B4GALT6: variants seen among roughly 807,000 people sequenced by gnomAD.
B4GALT6 encodes the protein UDP-Gal:beta-GlcNAc beta-1,4-galactosyltransferase 6.
Under a neutral mutation model 46.3 loss-of-function variants are expected in B4GALT6, and 14 were observed. That is an observed-to-expected ratio of 0.30 (90% CI 0.20 to 0.47). B4GALT6 has a LOEUF of 0.47. B4GALT6 is among the 20% of genes least tolerant of loss of function. The pLI is 0.99. For missense variants in B4GALT6, 386 were observed against 480.1 expected, an observed-to-expected ratio of 0.80 and a Z score of 1.83; for synonymous variants, 168 against 162.0, an observed-to-expected ratio of 1.04 and a Z score of -0.28.
the B4GALT6 span, among the ~76,000 whole-genome samples, chr18:31,715,538 T>C: frequency 1.2e-4 from 1 of 8,526 alleles, no homozygotes; most frequent in Non-Finnish European, 3.8e-4. Flanking sequence ...TGGAACTGTC[T>C]TTTTTTTTTT....
the B4GALT6 span, among the ~76,000 whole-genome samples, chr18:31,713,848 G>A: frequency 7.2e-5 from 11 of 152,204 alleles, no homozygotes; most frequent in African/African-American, 2.4e-4. Context: ...TGACAAGCTC[G>A]AGTTAATTGG....
the B4GALT6 span, among the ~76,000 whole-genome samples, chr18:31,701,545 A>C: frequency 6.6e-6 from 1 of 152,188 alleles, no homozygotes; most frequent in Non-Finnish European, 1.5e-5. Flanking sequence ...ACATAATAAT[A>C]GTCATAGAGA....
chr18:31,629,714 G>A (rs1391738473), intron 6 of B4GALT6, among the ~76,000 whole-genome samples: 1 of 150,550 alleles, frequency 6.6e-6, no homozygotes, highest in Non-Finnish European at 1.5e-5. Flanking sequence ...GCCAGGCGTG[G>A]TGGCAGGCGC....
the B4GALT6 span, among the ~76,000 whole-genome samples, chr18:31,704,654 T>C: frequency 1.3e-5 from 2 of 152,204 alleles, no homozygotes; most frequent in Non-Finnish European, 2.9e-5. Context: ...GAAGATACAA[T>C]ATGTAGGGTT....
At chr18:31,638,389 T>C (rs1439805019) in intron 5 of B4GALT6, among the ~76,000 whole-genome samples, 6 of 151,858 alleles carry the variant, frequency 4.0e-5, no homozygotes, top group African/African-American at 1.5e-4. Flanking sequence ...TAGCCGGGCG[T>C]GGTGGCGGGT....
chr18:31,644,355 CA>C (rs1363746867), intron 4 of B4GALT6, among the ~76,000 whole-genome samples: 3 of 152,050 alleles, frequency 2.0e-5, no homozygotes, highest in Non-Finnish European at 4.4e-5. Flanking sequence ...TACACATCTT[CA>C]AACACGAAGA....
chr18:31,722,434 T>C, the B4GALT6 span, among the ~76,000 whole-genome samples: 1 of 152,188 alleles, frequency 6.6e-6, no homozygotes, highest in Non-Finnish European at 1.5e-5. Context: ...AAATCAATTG[T>C]GAGTGGAATT....
chr18:31,667,798 T>C (rs891839606), intron 1 of B4GALT6, among the ~76,000 whole-genome samples: 3 of 152,188 alleles, frequency 2.0e-5, no homozygotes, highest in African/African-American at 7.2e-5. Flanking sequence ...ACATTTTGAC[T>C]ACATTTTTGT....
At chr18:31,695,476 C>T in the B4GALT6 span, among the ~76,000 whole-genome samples, 2 of 152,114 alleles carry the variant, frequency 1.3e-5, no homozygotes, top group Non-Finnish European at 2.9e-5. Context: ...AAAACAGCCA[C>T]TGCCTCCTGT....
At chr18:31,687,149 C>G (rs2029958356), upstream of B4GALT6, among the ~76,000 whole-genome samples, 1 of 152,172 alleles carries the variant, frequency 6.6e-6, no homozygotes, top group African/African-American at 2.4e-5. Context: ...ATTAGCTCTC[C>G]CCAGGAGTAG....
the B4GALT6 span, among the ~76,000 whole-genome samples, chr18:31,703,436 G>T: frequency 3.3e-5 from 5 of 152,244 alleles, no homozygotes; most frequent in East Asian, 9.6e-4. Flanking sequence ...TATAGTATGT[G>T]GTCAGTTAGG....
chr18:31,721,729 G>A, the B4GALT6 span, among the ~76,000 whole-genome samples: 1 of 152,226 alleles, frequency 6.6e-6, no homozygotes, highest in African/African-American at 2.4e-5. Flanking sequence ...GTTCCAGCCT[G>A]CTAGCCTGCC....
chr18:31,650,790 A>G (rs188659845), intron 3 of B4GALT6, among the ~76,000 whole-genome samples: 1 of 151,754 alleles, frequency 6.6e-6, no homozygotes, highest in Admixed American at 6.6e-5. Context: ...TTTTTTTGAG[A>G]CGGAGTCTCG....
intron 6 of B4GALT6, 65 bp from the exon 7 acceptor site, chr18:31,627,186 T>A: frequency 6.8e-7 from 1 of 1,473,202 alleles, no homozygotes; most frequent in East Asian, 2.3e-5. Context: ...GAAATGAAGG[T>A]TTCAGCCTTT....
At chr18:31,635,989 C>G (rs1234794452) in intron 5 of B4GALT6, among the ~76,000 whole-genome samples, 1 of 152,098 alleles carries the variant, frequency 6.6e-6, no homozygotes, top group African/African-American at 2.4e-5. Flanking sequence ...GTCAATGGAA[C>G]ACAGAGACCA....
chr18:31,682,715 TGTAA>T (rs1372289025), intron 1 of B4GALT6, among the ~76,000 whole-genome samples: 2 of 152,160 alleles, frequency 1.3e-5, no homozygotes, highest in Admixed American at 6.5e-5. Context: ...AAAATTGTTA[TGTAA>T]GTGTGAAAAA....
intron 1 of B4GALT6, among the ~76,000 whole-genome samples, chr18:31,682,896 T>A (rs1555642263): frequency 6.6e-6 from 1 of 152,200 alleles, no homozygotes; most frequent in Non-Finnish European, 1.5e-5. Flanking sequence ...TTGTTGAGTA[T>A]CTAGATAATA....
chr18:31,654,458 C>T (rs1027085724), intron 3 of B4GALT6, among the ~76,000 whole-genome samples: 4 of 152,180 alleles, frequency 2.6e-5, no homozygotes, highest in African/African-American at 9.6e-5. Context: ...AGTATTCACT[C>T]ATACTCTTCA....
chr18:31,659,490 C>T (rs1014045783), intron 2 of B4GALT6, among the ~76,000 whole-genome samples: 19 of 152,026 alleles, frequency 1.2e-4, no homozygotes, highest in Admixed American at 2.0e-4. Context: ...GGTGTTGGGA[C>T]GGGCAAAGGT....
Sources: gnomAD v4.1 joint callset for allele counts (sites outside exome capture counted in the v4.1 genomes callset) on GRCh38, gnomAD v4.1.1 for gene constraint, MANE v1.5 for transcripts, NCBI Gene and HGNC (gene_info 2026-07-23, HGNC 2026-07-21) for gene names.